ZNF571: variants seen among roughly 807,000 people sequenced by gnomAD.
The protein encoded by ZNF571 is zinc finger protein 571.
Under a neutral mutation model 7.7 loss-of-function variants are expected in ZNF571, and 4 were observed. The ratio of observed to expected loss-of-function variants is 0.52; its 90% confidence interval spans 0.25 to 1.18. The LOEUF (loss-of-function observed/expected upper bound fraction) is 1.18, where lower values mean the gene tolerates loss of function less well. ZNF571 is among the 50% of genes most tolerant of loss of function. ZNF571 has a pLI of 0.14. For synonymous variants in ZNF571, 251 were observed against 232.4 expected, an observed-to-expected ratio of 1.08 and a Z score of -0.73; for missense variants, 704 against 726.9, an observed-to-expected ratio of 0.97 and a Z score of 0.36.
rs1262902200 is a variant in ZNF571 at position 37,566,297 on chromosome 19, G to C, written c.137-6C>G. ...CACACAACTGGATTCCAAGTCTGTAGAATAAAAAGAAAGCAAATTCCTGCT... is the reference window on the plus strand; with the variant it reads ...CACACAACTGGATTCCAAGTCTGTACAATAAAAAGAAAGCAAATTCCTGCT... On this transcript the variant is annotated splice_polypyrimidine_tract_variant and splice_region_variant and intron_variant, in intron 3 of 3. Coordinates refer to ENST00000451802, the MANE Select transcript of ZNF571 (RefSeq NM_016536.5). The C allele has an allele frequency of 1.3e-6, 2 of 1,571,796 alleles. No homozygotes were observed. The highest frequency in any genetic ancestry group is 1.2e-5 in the South Asian group (1 of 84,458).
intron 3 of ZNF571, among the ~76,000 whole-genome samples, chr19:37,576,042 TAC>T (rs34837052): frequency 3.6e-4 from 54 of 148,502 alleles, no homozygotes; most frequent in Non-Finnish European, 4.4e-4. Flanking sequence ...CATACATGCA[TAC>T]ACACACACAC....
intron 3 of ZNF571, chr19:37,567,830 A>T (rs2042914179): frequency 6.6e-6 from 1 of 151,988 alleles, no homozygotes; most frequent in South Asian, 2.1e-4. Flanking sequence ...TTATCTGTTG[A>T]TCTTTCTGCT....
intron 3 of ZNF571, among the ~76,000 whole-genome samples, chr19:37,571,295 G>A (rs1249579299): frequency 6.6e-6 from 1 of 152,060 alleles, no homozygotes; most frequent in Non-Finnish European, 1.5e-5. Flanking sequence ...GGGAGTTTGA[G>A]ACCAGCCTGG....
At chr19:37,566,424 C>A in intron 3 of ZNF571, 133 bp from the exon 4 acceptor site, 1 of 1,047,600 alleles carries the variant, frequency 9.5e-7, no homozygotes, top group African/African-American at 1.6e-5. Flanking sequence ...ATATTTTCTG[C>A]CATTTTTCTT....
At chr19:37,566,392 G>T in intron 3 of ZNF571, 101 bp from the exon 4 acceptor site, 1 of 1,351,624 alleles carries the variant, frequency 7.4e-7, no homozygotes, top group Non-Finnish European at 1.0e-6. Flanking sequence ...ATTAAGAATA[G>T]AATGGCTTAA....
chr19:37,581,052 A>G (rs903552844), intron 3 of ZNF571, among the ~76,000 whole-genome samples: 1 of 152,250 alleles, frequency 6.6e-6, no homozygotes, highest in Non-Finnish European at 1.5e-5. Flanking sequence ...ATTTACTTCA[A>G]TTGAAATTTT....
In ZNF571 at chr19:37,564,414, AT is replaced by A. The variant is rs1432539576; in HGVS notation, c.*183del. The stretch of plus-strand genomic sequence containing the variant: ...TTAATAAAGGATATAATTCAGCATT[AT>A]ATTCTAGCGTTTATAGAGATGTTAA... On this transcript the variant is annotated 3_prime_UTR_variant, in exon 4 of 4. Coordinates refer to ENST00000451802, the MANE Select transcript of ZNF571 (RefSeq NM_016536.5). 1 of 439,600 alleles carries A rather than the reference AT, an allele frequency of 2.3e-6. No homozygotes were observed. The highest frequency in any genetic ancestry group is 3.9e-6 in the Non-Finnish European group (1 of 255,542). 27.2% of individuals were successfully genotyped at this position (439,600 alleles called of 1,614,324 possible). A position where few individuals can be genotyped will look rare whatever the true frequency, so the allele number is the denominator to read the frequency against.
chr19:37,594,379 C>T (rs2043955285), intron 1 of ZNF571: 1 of 152,386 alleles, frequency 6.6e-6, no homozygotes, highest in African/African-American at 2.4e-5. Flanking sequence ...CGCACACGCA[C>T]ACGTCCAGGG....
intron 2 of ZNF571, among the ~76,000 whole-genome samples, chr19:37,584,701 G>A (rs879025970): frequency 2.0e-5 from 3 of 152,086 alleles, no homozygotes; most frequent in Admixed American, 6.6e-5. Context: ...GGTGGCTCAC[G>A]CTTGTAATCC....
In ZNF571 at chr19:37,566,536, AGAGACACCC is replaced by A. The variant is rs946067285; in HGVS notation, c.137-254_137-246del. ...TGGTTCTCAAACTTTGGAATGGCTT[AGAGACACCC>A]AGGAGGCTTATAAAATAGTAATAAA... On this transcript the variant is annotated intron_variant, in intron 3 of 3. Coordinates refer to ENST00000451802, the MANE Select transcript of ZNF571 (RefSeq NM_016536.5). 5.2e-5 allele frequency: 21 copies of A among 403,302 alleles called. No individual in the cohort carries two copies. The Admixed American group carries it at 8.7e-4, about 17-fold the overall frequency. 25.0% of individuals were successfully genotyped at this position (403,302 alleles called of 1,614,324 possible).
chr19:37,570,937 A>C (rs1488950317), intron 3 of ZNF571, among the ~76,000 whole-genome samples: 1 of 152,226 alleles, frequency 6.6e-6, no homozygotes, highest in Admixed American at 6.5e-5. Context: ...CATTACTAAA[A>C]TTAATAGGCT....
At chr19:37,593,149 C>T (rs922360227) in intron 1 of ZNF571, among the ~76,000 whole-genome samples, 4 of 151,406 alleles carry the variant, frequency 2.6e-5, no homozygotes, top group African/African-American at 9.7e-5. Flanking sequence ...GTTGGTATAA[C>T]AGCATCATGG....
intron 3 of ZNF571, chr19:37,575,937 C>T (rs1440385678): frequency 6.6e-6 from 1 of 152,154 alleles, no homozygotes; most frequent in Non-Finnish European, 1.5e-5. Context: ...ATTAACTCCA[C>T]AATCTCAAGC....
intron 3 of ZNF571, among the ~76,000 whole-genome samples, chr19:37,583,289 T>C (rs911825777): frequency 6.6e-6 from 1 of 152,132 alleles, no homozygotes; most frequent in Non-Finnish European, 1.5e-5. Flanking sequence ...AGTTTAACTA[T>C]AAAAGAGCAA....
Position 37,573,851 on chromosome 19 carries a change from AAAAAG to A in ZNF571, c.137-7565_137-7561del, listed in dbSNP as rs2043152427. 2.6e-5 allele frequency among the ~76,000 whole-genome samples: 4 copies of A among 151,914 alleles called. No individual in the cohort carries two copies. In the South Asian group the frequency reaches 6.2e-4, roughly 24 times the overall value. On this transcript the variant is annotated intron_variant, in intron 3 of 3. Transcript: ENST00000451802. ...CTGTTTCAAAAAAAAAAAAAGAAAG[AAAAAG>A]AAAAAAGAAAATAACAAAACTGCTT...
At chr19:37,588,174 A>G (rs2043748435) in intron 1 of ZNF571, among the ~76,000 whole-genome samples, 2 of 150,934 alleles carry the variant, frequency 1.3e-5, no homozygotes, top group East Asian at 1.9e-4. Flanking sequence ...AAAGATGTTA[A>G]CCTCTGCAAG....
chr19:37,573,005 CAT>C (rs553750912), intron 3 of ZNF571, among the ~76,000 whole-genome samples: 18 of 152,284 alleles, frequency 1.2e-4, no homozygotes, highest in South Asian at 4.1e-4. Flanking sequence ...TCTTTCATCA[CAT>C]GATTGATTAT....
rs1418308400 is a variant in ZNF571 at position 37,569,030 on chromosome 19, C to T, written c.137-2739G>A. Among the ~76,000 whole-genome samples, 1 of 151,938 alleles carries T rather than the reference C, an allele frequency of 6.6e-6. No individual in the cohort carries two copies. The highest frequency in any genetic ancestry group is 1.5e-5 in the Non-Finnish European group (1 of 67,986). ...GGAGTGCAGTCGTGCCATCTCAGCTCACTGCAACCTCCGCCTCCAGGTTCA... is the reference window on the plus strand; with the variant it reads ...GGAGTGCAGTCGTGCCATCTCAGCTTACTGCAACCTCCGCCTCCAGGTTCA... On this transcript the variant is annotated intron_variant, in intron 3 of 3. Transcript: ENST00000451802. The surrounding 1 kb of genome is among the most constrained non-coding windows in gnomAD (Gnocchi z 4.4).
At chr19:37,579,900 A>G (rs1028793340) in intron 3 of ZNF571, among the ~76,000 whole-genome samples, 2 of 152,212 alleles carry the variant, frequency 1.3e-5, no homozygotes, top group Non-Finnish European at 2.9e-5. Flanking sequence ...TGTCTATCCA[A>G]AAGTGTACAT....
Sources: allele counts gnomAD v4.1 joint callset (sites outside exome capture counted in the v4.1 genomes callset), GRCh38; gene constraint gnomAD v4.1.1; non-coding constraint Gnocchi (gnomAD v3.1); transcripts MANE v1.5; gene names NCBI Gene and HGNC (gene_info 2026-07-23, HGNC 2026-07-21).